The following ATAD1 variants were observed in gnomAD, a reference collection of about 807,000 sequenced individuals.
The protein encoded by ATAD1 is outer mitochondrial transmembrane helix translocase.
In ATAD1, 18 loss-of-function variants were observed where a neutral mutation model predicts 42.7. The ratio of observed to expected loss-of-function variants is 0.42; its 90% CI spans 0.29 to 0.63. The LOEUF (loss-of-function observed/expected upper bound fraction) is 0.63, where lower values mean the gene tolerates loss of function less well. Ranked by LOEUF, ATAD1 falls within the 20% of genes least tolerant of loss-of-function variation. The pLI is 0.19. For missense variants in ATAD1, 294 were observed against 440.4 expected (o/e 0.67, Z 2.98); for synonymous variants, 132 against 143.1 (o/e 0.92, Z 0.55).
rs778407704 is a variant in ATAD1, at chr10:87,776,336, A to G, written c.675T>C (p.Thr225=). 5 of 1,612,638 alleles carry G rather than the reference A, an allele frequency of 3.1e-6. No individual in the cohort carries two copies. The highest frequency in any genetic ancestry group is 3.4e-6 in the Non-Finnish European group (4 of 1,178,984). The change falls in exon 6 of 10, where the codon ACT becomes ACC. Residue 225 remains threonine (T), a synonymous_variant. Transcript: ENST00000680024. ...QFMSLWDGLD[T]DHSCQVIVMG... ...ATTCAAATACCTGGCAGCTGTGATC[A>G]GTATCCAATCCATCCCAGAGACTCA...
chr10:87,802,102 T>C (rs1211325256), intron 2 of ATAD1, among the ~76,000 whole-genome samples: 2 of 152,262 alleles, frequency 1.3e-5, no homozygotes, highest in African/African-American at 4.8e-5. Flanking sequence ...TTTGTGAGTA[T>C]TCTTAACTTA....
chr10:87,840,539 G>A (rs995693748), intron 1 of ATAD1, among the ~76,000 whole-genome samples: 2 of 152,140 alleles, frequency 1.3e-5, no homozygotes, highest in African/African-American at 2.4e-5. Flanking sequence ...AAAGAGAAAC[G>A]TTAGTTTCTT....
chr10:87,781,175 A>C (rs1361487706), intron 5 of ATAD1, among the ~76,000 whole-genome samples: 1 of 152,204 alleles, frequency 6.6e-6, no homozygotes, highest in East Asian at 1.9e-4. Context: ...CAAGGAAACA[A>C]ACCACTATTA....
In ATAD1 at chr10:87,817,917, G is replaced by C. The variant is rs1451496463; in HGVS notation, c.-14+250C>G. 6.1e-6 allele frequency: 6 copies of C among 985,648 alleles called. No individual in the cohort carries two copies. In the African/African-American group the frequency reaches 7.0e-5, roughly 11 times the overall value. 61.1% of individuals were successfully genotyped at this position (985,648 alleles called of 1,614,324 possible). On this transcript the variant is annotated intron_variant, in intron 1 of 9. Coordinates refer to ENST00000680024, the MANE Select transcript of ATAD1 (RefSeq NM_001321967.2). ...TCCCTCGGGAATGGCACGAGTCTTG[G>C]GGAAGAGCTAAGCAGACCCTAAGGG... is the stretch of plus-strand genomic sequence containing the variant.
At chr10:87,764,457 G>A (rs1007666032) in intron 8 of ATAD1, among the ~76,000 whole-genome samples, 4 of 151,966 alleles carry the variant, frequency 2.6e-5, no homozygotes, top group Non-Finnish European at 2.9e-5. Context: ...GCAAGACTCC[G>A]TCACAAAAAA....
upstream of ATAD1, among the ~76,000 whole-genome samples, chr10:87,823,130 A>AT (rs1338140177): frequency 2.0e-5 from 3 of 151,616 alleles, no homozygotes; most frequent in Admixed American, 1.3e-4. Context: ...CAAAGAACAT[A>AT]TTGCTGTAAA....
intron 8 of ATAD1, among the ~76,000 whole-genome samples, chr10:87,758,397 G>A (rs1343539559): frequency 1.3e-5 from 2 of 152,000 alleles, no homozygotes; most frequent in Admixed American, 6.6e-5. Context: ...CAGGACTAGA[G>A]GGTTGGGACA....
At chr10:87,800,358 T>C (rs1019861575) in intron 2 of ATAD1, among the ~76,000 whole-genome samples, 5 of 152,112 alleles carry the variant, frequency 3.3e-5, no homozygotes, top group Non-Finnish European at 5.9e-5. Flanking sequence ...GGTGTGAAAT[T>C]GTAACACTCT....
At chr10:87,756,347 T>G (rs1458959491) in intron 9 of ATAD1, among the ~76,000 whole-genome samples, 1 of 152,242 alleles carries the variant, frequency 6.6e-6, no homozygotes, top group South Asian at 2.1e-4. Context: ...TTAGTATCTT[T>G]GCTGAAATAA....
intron 1 of ATAD1, among the ~76,000 whole-genome samples, chr10:87,840,955 G>T (rs887341599): frequency 6.6e-6 from 1 of 152,142 alleles, no homozygotes; most frequent in African/African-American, 2.4e-5. Context: ...TAGTCTTTTA[G>T]TCACGGAGCT....
At chr10:87,786,781 C>G (rs1855856866) in intron 4 of ATAD1, among the ~76,000 whole-genome samples, 1 of 152,044 alleles carries the variant, frequency 6.6e-6, no homozygotes, top group African/African-American at 2.4e-5. Context: ...ACGGTGAAAC[C>G]CCGACTCTAC....
chr10:87,768,163 A>G (rs553305584), intron 7 of ATAD1, among the ~76,000 whole-genome samples: 1 of 152,172 alleles, frequency 6.6e-6, no homozygotes, highest in South Asian at 2.1e-4. Context: ...TTTGACCACT[A>G]ATTTATATTA....
chr10:87,818,726 C>T (rs1296205116), upstream of ATAD1: 1 of 152,336 alleles, frequency 6.6e-6, no homozygotes. Flanking sequence ...TGAGCTCACC[C>T]TTCTCCCCCA....
rs1420946810 is a variant in ATAD1, at chr10:87,814,605, A to C, written c.-6T>G. 6.3e-7 allele frequency: 1 copy of C among 1,592,574 alleles called. No homozygotes were observed. Among genetic ancestry groups the C allele is most frequent in the African/African-American group, 1.4e-5 (1 of 73,904 alleles). ...AAGGCTTCAGCATGTACCATCTTGA[A>C]TGTTAACCTTAAAAAAACAAACAGA... On this transcript the variant is annotated 5_prime_UTR_variant, in exon 2 of 10. Transcript: ENST00000680024.
chr10:87,820,236 A>G (rs1046618591), upstream of ATAD1, among the ~76,000 whole-genome samples: 2 of 152,202 alleles, frequency 1.3e-5, no homozygotes, highest in Admixed American at 1.3e-4. Flanking sequence ...CAGGGCTAAA[A>G]GGGGGAGGGT....
rs1855729737 is a variant in ATAD1, at chr10:87,784,534, C to T, written c.519G>A (p.Leu173=). The T allele has an allele frequency of 6.2e-7, 1 of 1,613,644 alleles. No individual in the cohort carries two copies. Among genetic ancestry groups the T allele is most frequent in the Non-Finnish European group, 8.5e-7 (1 of 1,179,864 alleles). Residue 173 remains leucine, a synonymous_variant, in exon 5 of 10, where the codon TTG becomes TTA. Transcript: ENST00000680024. ...TGGCAAGGGAGAAGACAGCAGCAGC[C>T]AATTTCTGAGATTCTCCATACCACT... ...TDKWYGESQK[L]AAAVFSLAIK...
chr10:87,817,555 G>T (rs1342369131), intron 1 of ATAD1, among the ~76,000 whole-genome samples: 3 of 152,210 alleles, frequency 2.0e-5, no homozygotes, highest in African/African-American at 7.2e-5. Flanking sequence ...AGCATTCACT[G>T]TAGTATTTCT....
chr10:87,814,055 G>A (rs895419807), intron 2 of ATAD1, among the ~76,000 whole-genome samples: 16 of 152,126 alleles, frequency 1.1e-4, no homozygotes, highest in East Asian at 1.9e-4. Flanking sequence ...GACTGAGAGC[G>A]TTTCAGTATT....
intron 1 of ATAD1, among the ~76,000 whole-genome samples, chr10:87,833,727 C>CTTTTTTTTTTTTTTTTT (rs3033524): frequency 8.9e-5 from 9 of 100,764 alleles, no homozygotes; most frequent in Non-Finnish European, 1.5e-4. Context: ...TCTTTCTTTC[C>CTTTTTTTTTTTTTTTTT]TTTTTTTTTT....
Sources: gnomAD v4.1 joint callset for allele counts (sites outside exome capture counted in the v4.1 genomes callset) on GRCh38, gnomAD v4.1.1 for gene constraint, MANE v1.5 for transcripts, NCBI Gene and HGNC (gene_info 2026-07-23, HGNC 2026-07-21) for gene names.